HOMER2: variants seen among roughly 807,000 people sequenced by gnomAD.
HOMER2 encodes the protein homer protein homolog 2.
In HOMER2, 27 loss-of-function variants were observed where a neutral mutation model predicts 47.0. That is an observed-to-expected ratio of 0.57 (90% CI 0.42 to 0.79). The LOEUF is 0.79. Among genes scored for constraint, HOMER2 ranks in the 30% least tolerant of loss-of-function variants. The pLI is 0.00. For missense variants in HOMER2, 443 were observed against 435.0 expected, an observed-to-expected ratio of 1.02 and a Z score of -0.16; for synonymous variants, 161 against 163.8, an observed-to-expected ratio of 0.98 and a Z score of 0.13.
downstream of HOMER2, chr15:82,848,856 C>G (rs559961731): frequency 5.5e-4 from 84 of 152,494 alleles, no homozygotes; most frequent in African/African-American, 1.9e-3. Context: ...CGAGCCCCAG[C>G]TTGGGTTTGA....
intron 1 of HOMER2, among the ~76,000 whole-genome samples, chr15:82,917,586 G>A (rs147261411): frequency 0.011 from 1,634 of 152,352 alleles, 8 homozygotes; most frequent in Non-Finnish European, 0.016. Context: ...AAACCCCAGT[G>A]TATGTGAGAG....
chr15:82,967,671 C>T (rs148760005), intron 1 of HOMER2, among the ~76,000 whole-genome samples: 5,246 of 152,088 alleles, frequency 0.034, 271 homozygotes, highest in African/African-American at 0.12. Context: ...GTCAGGAGTT[C>T]GAGACCAGCC....
chr15:82,890,746 A>G (rs985640871), intron 2 of HOMER2, among the ~76,000 whole-genome samples: 1 of 152,220 alleles, frequency 6.6e-6, no homozygotes, highest in African/African-American at 2.4e-5. Flanking sequence ...TCCTTGGATA[A>G]CTCAACTGAC....
At chr15:82,862,083 T>TA (rs201344181) in intron 4 of HOMER2, among the ~76,000 whole-genome samples, 1 of 145,980 alleles carries the variant, frequency 6.9e-6, no homozygotes, top group Admixed American at 6.9e-5. Context: ...TTTTTTTTTT[T>TA]AATAGAGATG....
At chr15:82,962,292 G>A (rs2054636972) in intron 1 of HOMER2, among the ~76,000 whole-genome samples, 2 of 151,210 alleles carry the variant, frequency 1.3e-5, no homozygotes, top group African/African-American at 2.4e-5. Flanking sequence ...TCGAACCTGG[G>A]AGGTGGAGCT....
At chr15:82,897,068 T>TC (rs1214564066) in intron 1 of HOMER2, among the ~76,000 whole-genome samples, 23 of 128,332 alleles carry the variant, frequency 1.8e-4, no homozygotes, top group Non-Finnish European at 2.6e-4. Context: ...GTCATTTCTT[T>TC]TTTTTTTTTT....
chr15:82,910,375 G>A (rs1247576709), intron 1 of HOMER2, among the ~76,000 whole-genome samples: 3 of 152,146 alleles, frequency 2.0e-5, no homozygotes, highest in Non-Finnish European at 2.9e-5. Flanking sequence ...CCAGTGGGGT[G>A]AGTCGGTGAG....
At chr15:82,974,056 C>T (rs1402639585) in intron 1 of HOMER2, among the ~76,000 whole-genome samples, 1 of 151,954 alleles carries the variant, frequency 6.6e-6, no homozygotes, top group Admixed American at 6.6e-5. Flanking sequence ...AGAGATCGTG[C>T]CACTGCACTC....
downstream of HOMER2, among the ~76,000 whole-genome samples, chr15:82,848,567 C>T (rs1398056363): frequency 6.6e-6 from 1 of 152,222 alleles, no homozygotes. Flanking sequence ...CTGGGTGGAA[C>T]ACCTCTGTCA....
At chr15:82,858,967 A>C in intron 5 of HOMER2, 62 bp downstream of exon 5, 1 of 1,546,892 alleles carries the variant, frequency 6.5e-7, no homozygotes, top group Non-Finnish European at 8.8e-7. Flanking sequence ...TCCAGCAAGA[A>C]AGGCTTCTAG....
intron 1 of HOMER2, among the ~76,000 whole-genome samples, chr15:82,947,083 T>G (rs1466369151): frequency 6.6e-6 from 1 of 152,260 alleles, no homozygotes; most frequent in Non-Finnish European, 1.5e-5. Context: ...TGCTCATCTC[T>G]GGATCCCTAC....
At chr15:82,945,901 C>T (rs1399287854) in intron 1 of HOMER2, among the ~76,000 whole-genome samples, 4 of 151,670 alleles carry the variant, frequency 2.6e-5, no homozygotes, top group South Asian at 4.2e-4. Context: ...ACCCAAGAGG[C>T]GGAGGTTGCA....
chr15:82,944,381 A>AC (rs931077663), intron 1 of HOMER2, among the ~76,000 whole-genome samples: 4 of 152,190 alleles, frequency 2.6e-5, no homozygotes, highest in Non-Finnish European at 5.9e-5. Context: ...TGCTTAAAAG[A>AC]CCAGTGGATC....
intron 1 of HOMER2, among the ~76,000 whole-genome samples, chr15:82,966,659 G>A (rs1227193578): frequency 2.0e-5 from 3 of 152,240 alleles, no homozygotes; most frequent in Admixed American, 1.3e-4. Context: ...TCCTCCTGGT[G>A]ACTTGCAGGG....
At chr15:82,934,140 C>G (rs1265992952) in intron 1 of HOMER2, among the ~76,000 whole-genome samples, 1 of 152,156 alleles carries the variant, frequency 6.6e-6, no homozygotes, top group East Asian at 1.9e-4. Flanking sequence ...CCCACATATG[C>G]AGAACAGAAA....
chr15:82,864,504 CTA>C (rs2051899889), intron 3 of HOMER2, among the ~76,000 whole-genome samples: 1 of 151,974 alleles, frequency 6.6e-6, no homozygotes, highest in Non-Finnish European at 1.5e-5. Flanking sequence ...TAAAAACAAA[CTA>C]ATACAAAAAT....
At position 82,865,192 on chromosome 15, in the gene HOMER2, C is replaced by A. The variant is rs2051925724; in HGVS notation, c.295-933G>T. Among the ~76,000 whole-genome samples, 3 of 152,202 alleles carry A rather than the reference C, an allele frequency of 2.0e-5. No homozygotes were observed. In the South Asian group the frequency reaches 6.2e-4, roughly 31 times the overall value. ...GCAGGCCCTGTGAGTAAAGCCACAGCTGGGGAGGCTTCATATTTAACTATT... is the reference window on the plus strand; with the variant it reads ...GCAGGCCCTGTGAGTAAAGCCACAGATGGGGAGGCTTCATATTTAACTATT... On this transcript the variant is annotated intron_variant, in intron 3 of 8. Coordinates refer to ENST00000450735, the MANE Select transcript of HOMER2 (RefSeq NM_004839.4).
At chr15:82,860,956 T>TATGA in intron 4 of HOMER2, among the ~76,000 whole-genome samples, 1 of 42,436 alleles carries the variant, frequency 2.4e-5, no homozygotes, top group Non-Finnish European at 4.9e-5. Context: ...AGATAGAAGA[T>TATGA]GAGAGAGAGA....
At chr15:82,889,406 A>G (rs1390538176) in intron 2 of HOMER2, among the ~76,000 whole-genome samples, 6 of 152,192 alleles carry the variant, frequency 3.9e-5, no homozygotes, top group African/African-American at 1.4e-4. Flanking sequence ...GTGAACATGG[A>G]ACCAGAATAG....
Sources: gnomAD v4.1 joint callset for allele counts (sites outside exome capture counted in the v4.1 genomes callset) on GRCh38, gnomAD v4.1.1 for gene constraint, MANE v1.5 for transcripts, NCBI Gene and HGNC (gene_info 2026-07-23, HGNC 2026-07-21) for gene names.